SLC25A26: variants seen among roughly 807,000 people sequenced by gnomAD.
The protein encoded by SLC25A26 is solute carrier family 25 member 26, also known as mitochondrial S-adenosylmethionine carrier protein.
A neutral mutation model predicts 37.8 loss-of-function variants in SLC25A26; 36 were observed. That is an observed-to-expected ratio of 0.95 (90% CI 0.73 to 1.26). The LOEUF (loss-of-function observed/expected upper bound fraction) is 1.26. Among genes scored for constraint, SLC25A26 ranks in the 50% most tolerant of loss-of-function variants. The probability of loss-of-function intolerance (pLI) is 0.00; values close to 1 mark genes in which losing one functional copy is unlikely to be tolerated. For missense variants in SLC25A26, 390 were observed against 331.1 expected (o/e 1.18, Z -1.38); for synonymous variants, 129 against 122.5 (o/e 1.05, Z -0.35).
chr3:66,303,940 A>T (rs1051766178), intron 5 of SLC25A26, among the ~76,000 whole-genome samples: 1 of 152,166 alleles, frequency 6.6e-6, no homozygotes, highest in Non-Finnish European at 1.5e-5. Flanking sequence ...TGGTGACCAC[A>T]CTTTACTTCC....
chr3:66,305,320 G>T (rs1307336722), intron 5 of SLC25A26, among the ~76,000 whole-genome samples: 4 of 152,084 alleles, frequency 2.6e-5, no homozygotes, highest in African/African-American at 9.7e-5. Flanking sequence ...TTCTTCTAAG[G>T]TGTTTCTCTA....
intron 5 of SLC25A26, among the ~76,000 whole-genome samples, chr3:66,283,254 A>G (rs1174895782): frequency 6.6e-6 from 1 of 152,094 alleles, no homozygotes. Flanking sequence ...GTGTATATTT[A>G]GCTTTATTAG....
chr3:66,307,484 C>T (rs1219762250), intron 5 of SLC25A26, among the ~76,000 whole-genome samples: 1 of 152,160 alleles, frequency 6.6e-6, no homozygotes, highest in African/African-American at 2.4e-5. Flanking sequence ...GTTTCTTTTG[C>T]TGTGCAGAAG....
chr3:66,272,230 T>G (rs1297434640), intron 5 of SLC25A26, among the ~76,000 whole-genome samples: 1 of 152,142 alleles, frequency 6.6e-6, no homozygotes, highest in Non-Finnish European at 1.5e-5. Flanking sequence ...GGTAAGTTTG[T>G]GGTTGGCCCA....
At chr3:66,376,701 A>C (rs1232891588) in intron 9 of SLC25A26, among the ~76,000 whole-genome samples, 1 of 152,246 alleles carries the variant, frequency 6.6e-6, no homozygotes, top group Non-Finnish European at 1.5e-5. Context: ...TATGGTGGCC[A>C]AACTTGGCCT....
intron 1 of SLC25A26, among the ~76,000 whole-genome samples, chr3:66,202,788 A>G (rs945728175): frequency 6.6e-6 from 1 of 152,146 alleles, no homozygotes; most frequent in South Asian, 2.1e-4. Context: ...GCTAAGTTAC[A>G]CTGGGTTCAC....
intron 5 of SLC25A26, among the ~76,000 whole-genome samples, chr3:66,311,447 G>C (rs1453626477): frequency 6.6e-6 from 1 of 151,944 alleles, no homozygotes; most frequent in African/African-American, 2.4e-5. Context: ...TGCTCCTTTA[G>C]CTCCGAGGAG....
chr3:66,198,267 ACCTGACACTCAG>A (rs2071070592), intron 1 of SLC25A26, among the ~76,000 whole-genome samples: 1 of 151,914 alleles, frequency 6.6e-6, no homozygotes, highest in African/African-American at 2.4e-5. Context: ...CTCAAACTTA[ACCTGACACTCAG>A]CCTGACACTG....
At chr3:66,192,424 G>A (rs1427545965) in intron 1 of SLC25A26, among the ~76,000 whole-genome samples, 1 of 152,112 alleles carries the variant, frequency 6.6e-6, no homozygotes, top group Non-Finnish European at 1.5e-5. Flanking sequence ...AAGGTAGAGG[G>A]CTTTCTCCAG....
At chr3:66,157,648 T>G (rs565242824) in intron 1 of SLC25A26, among the ~76,000 whole-genome samples, 1 of 152,344 alleles carries the variant, frequency 6.6e-6, no homozygotes, top group Non-Finnish European at 1.5e-5. Context: ...TTTTTCCAGG[T>G]GACTCTGAGC....
At chr3:66,308,884 C>T (rs1704227358) in intron 5 of SLC25A26, among the ~76,000 whole-genome samples, 1 of 140,196 alleles carries the variant, frequency 7.1e-6, no homozygotes, top group Admixed American at 6.8e-5. Flanking sequence ...AGGGATGAAG[C>T]CTGCTTGATC....
At chr3:66,175,459 A>G (rs1188793020) in intron 1 of SLC25A26, among the ~76,000 whole-genome samples, 1 of 152,100 alleles carries the variant, frequency 6.6e-6, no homozygotes, top group Admixed American at 6.5e-5. Flanking sequence ...TCCTGACCTC[A>G]GGTGATTCAC....
chr3:66,206,139 G>A (rs1177366482), intron 1 of SLC25A26, among the ~76,000 whole-genome samples: 1 of 152,140 alleles, frequency 6.6e-6, no homozygotes, highest in Non-Finnish European at 1.5e-5. Flanking sequence ...GTGCAAGAGA[G>A]AGGGCTCAGG....
At chr3:66,220,775 T>C (rs2106862124), upstream of SLC25A26, 1 of 459,476 alleles carries the variant, frequency 2.2e-6, no homozygotes, top group Middle Eastern at 5.7e-4. Context: ...CTACCGCTGC[T>C]CTCTCCTGGA....
intron 5 of SLC25A26, among the ~76,000 whole-genome samples, chr3:66,286,776 C>T (rs1436281439): frequency 6.6e-6 from 1 of 152,086 alleles, no homozygotes; most frequent in Non-Finnish European, 1.5e-5. Context: ...CTTCTGGATT[C>T]AAATGCCACC....
At chr3:66,181,951 C>T (rs1194312606) in intron 1 of SLC25A26, among the ~76,000 whole-genome samples, 2 of 152,170 alleles carry the variant, frequency 1.3e-5, no homozygotes, top group Non-Finnish European at 2.9e-5. Flanking sequence ...CGTGTGCCCA[C>T]ATTTGGGCAT....
rs145891919 is a variant in SLC25A26, at chr3:66,352,206, T to C, written c.498+5798T>C. ...GGGCGACAGAGTGAGACCCTGTCTC[T>C]TAAAAAAATAAGAAAAAGAAATTAG... On this transcript the variant is annotated intron_variant, in intron 6 of 9. Coordinates refer to ENST00000354883, the MANE Select transcript of SLC25A26 (RefSeq NM_001379210.1). Among the ~76,000 whole-genome samples the C allele has an allele frequency of 5.1e-3, 776 of 152,260 alleles. 11 individuals are homozygous for C. Among genetic ancestry groups the C allele is most frequent in the African/African-American group, 0.014 (570 of 41,556 alleles).
chr3:66,351,560 A>T (rs894851315), intron 6 of SLC25A26, among the ~76,000 whole-genome samples: 3 of 152,094 alleles, frequency 2.0e-5, no homozygotes, highest in African/African-American at 7.2e-5. Flanking sequence ...TTGCATGTTT[A>T]TAGCTCCATG....
chr3:66,373,760 A>G (rs1700484053), intron 9 of SLC25A26, among the ~76,000 whole-genome samples: 1 of 151,140 alleles, frequency 6.6e-6, no homozygotes, highest in Admixed American at 6.6e-5. Context: ...GTGGTCCTTA[A>G]TTTTATGTGC....
Sources: allele counts gnomAD v4.1 joint callset (sites outside exome capture counted in the v4.1 genomes callset), GRCh38; gene constraint gnomAD v4.1.1; transcripts MANE v1.5; gene names NCBI Gene and HGNC (gene_info 2026-07-23, HGNC 2026-07-21).